The following TRPM3 variants were observed in gnomAD, a reference collection of about 807,000 sequenced individuals.
The protein encoded by TRPM3 is long transient receptor potential channel 3.
Under a neutral mutation model 181.2 loss-of-function variants are expected in TRPM3, and 77 were observed. The ratio of observed to expected loss-of-function variants is 0.42; its 90% CI spans 0.35 to 0.51. The LOEUF (loss-of-function observed/expected upper bound fraction) is 0.51, where lower values mean the gene tolerates loss of function less well. Ranked by LOEUF, TRPM3 falls within the 20% of genes least tolerant of loss-of-function variation. The probability of loss-of-function intolerance (pLI) is 0.01; values close to 1 mark genes in which losing one functional copy is unlikely to be tolerated. For synonymous variants in TRPM3, 745 were observed against 796.4 expected, an observed-to-expected ratio of 0.94 and a Z score of 1.09; for missense variants, 1,759 against 2,196.7, an observed-to-expected ratio of 0.80 and a Z score of 3.98.
chr9:70,859,309 T>C (rs764849384), intron 3 of TRPM3, among the ~76,000 whole-genome samples: 1 of 152,206 alleles, frequency 6.6e-6, no homozygotes, highest in Admixed American at 6.5e-5. Context: ...AGTGTCTATA[T>C]GTGTCCCCTC....
intron 1 of TRPM3, among the ~76,000 whole-genome samples, chr9:71,213,728 T>G (rs2079665103): frequency 6.6e-6 from 1 of 152,186 alleles, no homozygotes; most frequent in Non-Finnish European, 1.5e-5. Context: ...AACAGATTGT[T>G]ACAAAGATCC....
At chr9:71,270,780 C>A (rs2083728713) in intron 1 of TRPM3, among the ~76,000 whole-genome samples, 1 of 152,154 alleles carries the variant, frequency 6.6e-6, no homozygotes, top group Non-Finnish European at 1.5e-5. Context: ...CATGATGTGT[C>A]AAGGCTGAGA....
intron 1 of TRPM3, among the ~76,000 whole-genome samples, chr9:71,025,867 G>A (rs2097891979): frequency 6.6e-6 from 1 of 152,210 alleles, no homozygotes; most frequent in African/African-American, 2.4e-5. Context: ...GGCATTGAGA[G>A]CAGATGAAGG....
chr9:71,256,349 A>G (rs573212525), intron 1 of TRPM3, among the ~76,000 whole-genome samples: 1 of 152,234 alleles, frequency 6.6e-6, no homozygotes, highest in African/African-American at 2.4e-5. Context: ...ACCACTAGAG[A>G]AGAACTACTC....
chr9:71,085,677 A>G (rs1481803536), intron 1 of TRPM3, among the ~76,000 whole-genome samples: 1 of 152,136 alleles, frequency 6.6e-6, no homozygotes, highest in Non-Finnish European at 1.5e-5. Context: ...AATGGCTATT[A>G]CTAAAAAGTC....
chr9:71,160,884 G>A (rs760242376), intron 1 of TRPM3, among the ~76,000 whole-genome samples: 1 of 152,056 alleles, frequency 6.6e-6, no homozygotes, highest in African/African-American at 2.4e-5. Flanking sequence ...TTATGGTTTT[G>A]TATTGCTGGT....
chr9:70,739,035 C>T (rs1279284272), intron 8 of TRPM3, among the ~76,000 whole-genome samples: 3 of 152,002 alleles, frequency 2.0e-5, no homozygotes, highest in Non-Finnish European at 4.4e-5. Context: ...GGATTTACAG[C>T]TGAATTCTAT....
At chr9:70,976,305 G>A (rs2097302179) in intron 1 of TRPM3, among the ~76,000 whole-genome samples, 1 of 152,168 alleles carries the variant, frequency 6.6e-6, no homozygotes, top group Non-Finnish European at 1.5e-5. Context: ...ACAGAACAGG[G>A]AAACTCAACT....
chr9:71,124,612 G>T (rs541095321), upstream of TRPM3, among the ~76,000 whole-genome samples: 138 of 152,168 alleles, frequency 9.1e-4, no homozygotes, highest in African/African-American at 3.3e-3. Flanking sequence ...TAAATGATAC[G>T]AAACCAAAGA....
intron 8 of TRPM3, among the ~76,000 whole-genome samples, chr9:70,743,295 A>G (rs1359657035): frequency 6.6e-6 from 1 of 151,944 alleles, no homozygotes; most frequent in African/African-American, 2.4e-5. Context: ...TATAATCTTC[A>G]CCTTTTTGTC....
Position 70,783,852 on chromosome 9 carries a change from T to A in TRPM3, c.1148+253A>T. The A allele has an allele frequency of 2.6e-6, 3 of 1,162,518 alleles. No individual in the cohort carries two copies. In the South Asian group the frequency reaches 9.0e-5, roughly 35 times the overall value. The allele number at this position is 1,162,518 out of a possible 1,614,324, so 72.0% of individuals were successfully genotyped here. On this transcript the variant is annotated intron_variant, in intron 7 of 25. Transcript: ENST00000677713. ...AGAAGAAAAAGGAGACCACAGCCTA[T>A]GACCTCCTCTCTTTTCCTCACCCTT...
chr9:71,188,594 G>A (rs547504074), intron 1 of TRPM3, among the ~76,000 whole-genome samples: 125 of 151,942 alleles, frequency 8.2e-4, no homozygotes, highest in Middle Eastern at 3.4e-3. Flanking sequence ...TTGGGAGACA[G>A]GGTTTTAGAC....
At chr9:71,437,383 T>C (rs1238178310) in intron 1 of TRPM3, among the ~76,000 whole-genome samples, 2 of 152,228 alleles carry the variant, frequency 1.3e-5, no homozygotes, top group African/African-American at 4.8e-5. Context: ...TTTTGCATTT[T>C]TAAATGGTTA....
chr9:70,637,803 G>A (rs536127168), intron 11 of TRPM3, among the ~76,000 whole-genome samples: 2 of 152,096 alleles, frequency 1.3e-5, no homozygotes, highest in East Asian at 1.9e-4. Context: ...GCTTGGGTTC[G>A]GTACTTACTG....
chr9:71,445,455 A>C (rs7875725), intron 1 of TRPM3, among the ~76,000 whole-genome samples: 13,922 of 152,268 alleles, frequency 0.091, 804 homozygotes, highest in African/African-American at 0.16. Context: ...TGCTATACCC[A>C]TATTTAGATG....
chr9:70,832,589 T>C (rs1051213769), intron 5 of TRPM3, among the ~76,000 whole-genome samples: 2 of 152,166 alleles, frequency 1.3e-5, no homozygotes, highest in African/African-American at 4.8e-5. Flanking sequence ...AAAAGCCCTT[T>C]TATAGAAGGC....
chr9:71,373,898 C>G (rs758028536), intron 1 of TRPM3, among the ~76,000 whole-genome samples: 2 of 152,186 alleles, frequency 1.3e-5, no homozygotes, highest in Non-Finnish European at 2.9e-5. Context: ...GAAACTGAAT[C>G]CAGCAGCACA....
chr9:70,643,798 G>GT (rs2058426935), intron 9 of TRPM3, among the ~76,000 whole-genome samples: 1 of 152,222 alleles, frequency 6.6e-6, no homozygotes, highest in East Asian at 1.9e-4. Flanking sequence ...GGGCATTGCG[G>GT]TTTTTAAAAG....
At chr9:71,217,192 C>T (rs977809386) in intron 1 of TRPM3, among the ~76,000 whole-genome samples, 14 of 151,716 alleles carry the variant, frequency 9.2e-5, no homozygotes, top group Non-Finnish European at 1.6e-4. Context: ...CCTCGTGATC[C>T]GCCCGCCTCG....
Sources: allele counts gnomAD v4.1 joint callset (sites outside exome capture counted in the v4.1 genomes callset), GRCh38; gene constraint gnomAD v4.1.1; transcripts MANE v1.5; gene names NCBI Gene and HGNC (gene_info 2026-07-23, HGNC 2026-07-21).